TTC6: variants seen among roughly 807,000 people sequenced by gnomAD.
TTC6 encodes tetratricopeptide repeat protein 6.
TTC6 carries 172 observed loss-of-function variants against 210.4 expected under a neutral mutation model. The observed-to-expected ratio is 0.82, with a 90% CI of 0.72 to 0.93. The LOEUF is 0.93. Ranked by LOEUF, TTC6 falls within the 40% of genes least tolerant of loss-of-function variation. The probability of loss-of-function intolerance (pLI) is 0.00; values close to 1 mark genes in which losing one functional copy is unlikely to be tolerated. For synonymous variants in TTC6, 804 were observed against 819.6 expected, an observed-to-expected ratio of 0.98 and a Z score of 0.32; for missense variants, 2,414 against 2,318.1, an observed-to-expected ratio of 1.04 and a Z score of -0.85.
intron 6 of TTC6, among the ~76,000 whole-genome samples, chr14:37,716,455 CATA>C (rs1282594505): frequency 2.0e-5 from 3 of 151,842 alleles, no homozygotes; most frequent in Non-Finnish European, 4.4e-5. Context: ...AAATTTAAAA[CATA>C]ATGATATAGC....
chr14:37,841,550 AAAG>A, exon 30 of TTC6: 1 of 1,606,402 alleles, frequency 6.2e-7, no homozygotes. Flanking sequence ...TGAAGAAGCA[AAAG>A]AAGATTTTGC....
At position 37,648,784 on chromosome 14, in the gene TTC6, C is replaced by T. The variant is rs543386103; in HGVS notation, c.939+25781C>T. ...ACAATCCCCCAGCTCAGTTTTGTGACTCATGTATTTCTAGATAGTTATTCT... is the reference window on the plus strand; with the variant it reads ...ACAATCCCCCAGCTCAGTTTTGTGATTCATGTATTTCTAGATAGTTATTCT... On this transcript the variant is annotated intron_variant, in intron 1 of 30. Transcript: ENST00000553443. Among the ~76,000 whole-genome samples the T allele has an allele frequency of 4.6e-5, 7 of 152,228 alleles. No individual in the cohort carries two copies. The South Asian group carries it at 6.2e-4, about 14-fold the overall frequency.
At chr14:37,769,897 G>T (rs1239369299) in intron 14 of TTC6, among the ~76,000 whole-genome samples, 1 of 151,594 alleles carries the variant, frequency 6.6e-6, no homozygotes, top group Non-Finnish European at 1.5e-5. Context: ...GTGATGTTAG[G>T]GTGTCAATTT....
At chr14:37,666,834 G>A (rs1412207840) in intron 1 of TTC6, among the ~76,000 whole-genome samples, 1 of 150,070 alleles carries the variant, frequency 6.7e-6, no homozygotes, top group East Asian at 1.9e-4. Context: ...CTGGGACCAG[G>A]GATGCATTTT....
At chr14:37,669,028 A>G (rs1483426431) in intron 1 of TTC6, among the ~76,000 whole-genome samples, 1 of 152,182 alleles carries the variant, frequency 6.6e-6, no homozygotes, top group Non-Finnish European at 1.5e-5. Context: ...TCCAACTGAA[A>G]ACCTTGACTG....
At chr14:37,669,911 G>T (rs2095755083) in intron 1 of TTC6, among the ~76,000 whole-genome samples, 1 of 152,108 alleles carries the variant, frequency 6.6e-6, no homozygotes, top group Non-Finnish European at 1.5e-5. Context: ...AGGCTTAAGA[G>T]AATATTCTTA....
intron 1 of TTC6, among the ~76,000 whole-genome samples, chr14:37,630,907 G>GTTTTTTTTTTTTT (rs746429138): frequency 1.5e-4 from 5 of 33,070 alleles, no homozygotes; most frequent in South Asian, 1.3e-3. Context: ...GGCAACCCCT[G>GTTTTTTTTTTTTT]TTTTTTTTTT....
intron 25 of TTC6, among the ~76,000 whole-genome samples, chr14:37,816,208 T>A (rs2096141372): frequency 6.6e-6 from 1 of 152,202 alleles, no homozygotes; most frequent in Non-Finnish European, 1.5e-5. Context: ...ATCTACAGAT[T>A]GGTCTGTGAC....
chr14:37,721,444 CAT>C (rs934612598), intron 6 of TTC6, among the ~76,000 whole-genome samples: 9 of 152,124 alleles, frequency 5.9e-5, no homozygotes, highest in Non-Finnish European at 1.2e-4. Flanking sequence ...GTAAGGGACA[CAT>C]GTTTTCCAAA....
At chr14:37,755,656 T>C (rs1284089182) in intron 14 of TTC6, among the ~76,000 whole-genome samples, 1 of 152,008 alleles carries the variant, frequency 6.6e-6, no homozygotes, top group Non-Finnish European at 1.5e-5. Flanking sequence ...TGTTGCTTTT[T>C]ATGTATATAT....
intron 14 of TTC6, among the ~76,000 whole-genome samples, chr14:37,773,566 T>C (rs1566945204): frequency 1.3e-5 from 2 of 152,178 alleles, no homozygotes; most frequent in East Asian, 3.8e-4. Context: ...CAGATGGTTG[T>C]AGGTGTGTGG....
chr14:37,764,490 G>T (rs1319556278), intron 14 of TTC6, among the ~76,000 whole-genome samples: 1 of 151,496 alleles, frequency 6.6e-6, no homozygotes, highest in African/African-American at 2.4e-5. Flanking sequence ...ATATCTTACT[G>T]ATTGATTGAC....
intron 1 of TTC6, among the ~76,000 whole-genome samples, chr14:37,626,812 A>C (rs571281729): frequency 8.5e-4 from 129 of 152,348 alleles, no homozygotes; most frequent in South Asian, 1.7e-3. Context: ...GCAAGACAAA[A>C]AATTTTTAGA....
intron 20 of TTC6, among the ~76,000 whole-genome samples, chr14:37,800,924 G>A (rs1411527610): frequency 1.3e-5 from 2 of 152,210 alleles, no homozygotes; most frequent in South Asian, 2.1e-4. Context: ...CTGCAAACAC[G>A]TACAACCTTT....
rs1566844067 is a variant in TTC6 at position 37,622,231 on chromosome 14, C to T, written c.167C>T (p.Ala56Val). ...GAAAGCCCAGTCCACAGCCTCCATGCCCCCGGCCCGGCCCGCCCCGCGCGC... is the reference window on the plus strand; with the variant it reads ...GAAAGCCCAGTCCACAGCCTCCATGTCCCCGGCCCGGCCCGCCCCGCGCGC... The change falls in exon 1 of 31, where the codon GCC becomes GTC. Residue 56 changes from alanine (A) to valine (V), a missense_variant. By Grantham distance (64) the Ala-to-Val change is moderately conservative. Transcript: ENST00000553443. 5 of 1,535,426 alleles carry T rather than the reference C, an allele frequency of 3.3e-6. No individual in the cohort carries two copies. The South Asian group carries it at 6.0e-5, about 18-fold the overall frequency.
intron 2 of TTC6, among the ~76,000 whole-genome samples, chr14:37,614,444 A>G (rs941148703): frequency 1.3e-5 from 2 of 152,174 alleles, no homozygotes; most frequent in Admixed American, 1.3e-4. Context: ...ATCCCACAAC[A>G]CAATATCATA....
chr14:37,743,568 T>C (rs1029613077), intron 10 of TTC6, among the ~76,000 whole-genome samples: 2 of 152,230 alleles, frequency 1.3e-5, no homozygotes, highest in Non-Finnish European at 2.9e-5. Context: ...AAGCTGTATG[T>C]ATATGCATGT....
Position 37,701,542 on chromosome 14 carries a change from G to A in TTC6, c.1571+16G>A. Reference sequence around the variant, plus strand: ...AAACAGATAGGTAAGAGTTCCACTGGTAATTTGATTTTAAGCTAAATGTAA... The same window carrying A: ...AAACAGATAGGTAAGAGTTCCACTGATAATTTGATTTTAAGCTAAATGTAA... On this transcript the variant is annotated intron_variant, in intron 5 of 30. Transcript: ENST00000553443. The A allele has an allele frequency of 2.1e-6, 3 of 1,426,810 alleles. No homozygotes were observed. The highest frequency in any genetic ancestry group is 2.7e-6 in the Non-Finnish European group (3 of 1,096,072). 88.4% of individuals were successfully genotyped at this position (1,426,810 alleles called of 1,614,324 possible). A position where few individuals can be genotyped will look rare whatever the true frequency, so the allele number is the denominator to read the frequency against.
intron 1 of TTC6, among the ~76,000 whole-genome samples, chr14:37,674,165 T>C (rs978484260): frequency 2.6e-5 from 4 of 152,210 alleles, no homozygotes; most frequent in South Asian, 4.1e-4. Context: ...GGCACTGTTT[T>C]GGTAGTTTAT....
Sources: gnomAD v4.1 joint callset for allele counts (sites outside exome capture counted in the v4.1 genomes callset) on GRCh38, gnomAD v4.1.1 for gene constraint, MANE v1.5 for transcripts, NCBI Gene and HGNC (gene_info 2026-07-23, HGNC 2026-07-21) for gene names.